TEX36: variants seen among roughly 807,000 people sequenced by gnomAD.
TEX36 encodes the protein testis-expressed protein 36.
A neutral mutation model predicts 13.6 loss-of-function variants in TEX36; 12 were observed. The ratio of observed to expected loss-of-function variants is 0.88; its 90% CI spans 0.56 to 1.43. TEX36 has a LOEUF of 1.43. TEX36 is among the 40% of genes most tolerant of loss of function. TEX36 has a pLI of 0.00. For synonymous variants in TEX36, 93 were observed against 83.0 expected (o/e 1.12, Z -0.65); for missense variants, 224 against 228.3 (o/e 0.98, Z 0.12).
rs1009002407 is a variant in TEX36 at position 125,650,295 on chromosome 10, G to T, written c.264+10726C>A. ...AAAAGAATAGAAATTATAACAAACTGTCTCTCAGACCACAGTGCAATCAAA... is the reference window on the plus strand; with the variant it reads ...AAAAGAATAGAAATTATAACAAACTTTCTCTCAGACCACAGTGCAATCAAA... On this transcript the variant is annotated intron_variant, in intron 3 of 3. Coordinates refer to the TEX36 transcript ENST00000526819. Among the ~76,000 whole-genome samples the T allele has an allele frequency of 2.0e-5, 3 of 152,128 alleles. No individual in the cohort carries two copies. In the South Asian group the frequency reaches 6.2e-4, roughly 32 times the overall value.
intron 3 of TEX36, among the ~76,000 whole-genome samples, chr10:125,658,129 C>T (rs138601990): frequency 5.9e-5 from 9 of 151,910 alleles, no homozygotes; most frequent in East Asian, 3.9e-4. Context: ...ATAGATTCTT[C>T]GATTTTTTTT....
chr10:125,583,279 A>G (rs967985676), intron 3 of TEX36, among the ~76,000 whole-genome samples: 2 of 152,006 alleles, frequency 1.3e-5, no homozygotes, highest in Non-Finnish European at 2.9e-5. Context: ...TGGGTAACTT[A>G]AAAGCAACAG....
intron 1 of TEX36, among the ~76,000 whole-genome samples, chr10:125,665,010 G>A (rs1222112526): frequency 6.6e-6 from 1 of 152,154 alleles, no homozygotes; most frequent in Non-Finnish European, 1.5e-5. Flanking sequence ...CCGTTTGCAT[G>A]TCTTCTTTTG....
intron 3 of TEX36, among the ~76,000 whole-genome samples, chr10:125,634,051 G>A (rs1448909771): frequency 6.6e-6 from 1 of 152,062 alleles, no homozygotes; most frequent in Middle Eastern, 3.2e-3. Flanking sequence ...GGAGCAGGGA[G>A]GTTGTTTCTG....
chr10:125,682,115 T>C (rs1847405372), intron 1 of TEX36, among the ~76,000 whole-genome samples: 2 of 152,236 alleles, frequency 1.3e-5, no homozygotes, highest in African/African-American at 4.8e-5. Flanking sequence ...CCCCTTAACA[T>C]TCTTTTTGTG....
chr10:125,630,279 G>A (rs1372068839), intron 3 of TEX36, among the ~76,000 whole-genome samples: 2 of 152,200 alleles, frequency 1.3e-5, no homozygotes, highest in Non-Finnish European at 2.9e-5. Flanking sequence ...CAGGAATTCA[G>A]ACAGGGGATG....
exon 4 of TEX36, chr10:125,576,559 G>T: frequency 2.7e-6 from 2 of 740,906 alleles, no homozygotes; most frequent in Non-Finnish European, 4.2e-6. Context: ...TAATACCTGC[G>T]CCCACACAGG....
rs1184162010 is a variant in TEX36, at chr10:125,672,754, G to T, written c.51+10185C>A. On this transcript the variant is annotated intron_variant, in intron 1 of 3. Coordinates refer to ENST00000368821, the MANE Select transcript of TEX36 (RefSeq NM_001128202.3). ...AAAAGTCTCCCACTATTATTGTGGG[G>T]AGTCTAAGTCTCTTTGTAGTTCTCT... Among the ~76,000 whole-genome samples the T allele has an allele frequency of 2.6e-5, 4 of 152,306 alleles. No homozygotes were observed. The Middle Eastern group carries it at 0.01, about 389-fold the overall frequency.
chr10:125,674,454 G>C (rs915817522), intron 1 of TEX36, among the ~76,000 whole-genome samples: 4 of 152,122 alleles, frequency 2.6e-5, no homozygotes, highest in South Asian at 2.1e-4. Flanking sequence ...GCCCAGTTCT[G>C]TGCCCTTGCT....
intron 3 of TEX36, among the ~76,000 whole-genome samples, chr10:125,638,032 C>T (rs1846640997): frequency 6.6e-6 from 1 of 151,968 alleles, no homozygotes; most frequent in African/African-American, 2.4e-5. Context: ...ATCTCAGGTG[C>T]CTCATTCTCA....
At chr10:125,666,954 C>T in intron 1 of TEX36, 2 of 868,322 alleles carry the variant, frequency 2.3e-6, no homozygotes, top group Non-Finnish European at 1.7e-6. Context: ...CTTTCCTTGA[C>T]AGGCCAGGCT....
intron 1 of TEX36, chr10:125,667,128 G>A (rs1589784067): frequency 5.2e-6 from 4 of 764,660 alleles, no homozygotes; most frequent in African/African-American, 3.5e-5. Context: ...CCTCATTCTG[G>A]CCTCCAGACA....
At chr10:125,675,224 G>T (rs1847293206) in intron 1 of TEX36, among the ~76,000 whole-genome samples, 2 of 152,220 alleles carry the variant, frequency 1.3e-5, no homozygotes, top group African/African-American at 4.8e-5. Flanking sequence ...ATGCTGTGCT[G>T]TGGGAAATTC....
chr10:125,590,143 C>G (rs891156213), intron 3 of TEX36, among the ~76,000 whole-genome samples: 1 of 152,076 alleles, frequency 6.6e-6, no homozygotes, highest in Non-Finnish European at 1.5e-5. Context: ...GAGACAGGCT[C>G]TTGCTCTGTC....
rs1847416481 is a variant in TEX36, at chr10:125,682,760, C to G, written c.51+179G>C. On this transcript the variant is annotated intron_variant, in intron 1 of 3. Coordinates refer to ENST00000368821, the MANE Select transcript of TEX36 (RefSeq NM_001128202.3). ...TTTTACATGCATTATTTCATTCAATCTTTGCAAGAGTGTTAGAGGATTCCC... is the reference window on the plus strand; with the variant it reads ...TTTTACATGCATTATTTCATTCAATGTTTGCAAGAGTGTTAGAGGATTCCC... Among the ~76,000 whole-genome samples, 4 of 152,204 alleles carry G rather than the reference C, an allele frequency of 2.6e-5. No individual in the cohort carries two copies. The South Asian group carries it at 8.3e-4, about 32-fold the overall frequency.
chr10:125,615,294 C>T (rs1218207338), intron 3 of TEX36, among the ~76,000 whole-genome samples: 2 of 151,952 alleles, frequency 1.3e-5, no homozygotes, highest in African/African-American at 2.4e-5. Context: ...TGCCTAATTG[C>T]CCTGGCCAGA....
Position 125,605,523 on chromosome 10 carries a change from C to A in TEX36, c.265-28649G>T, listed in dbSNP as rs370714922. ...GCAATGTGGTAAGTGCTTTAGAATT[C>A]TTTTGTTAGTGAAAACAAAAAAGAG... On this transcript the variant is annotated intron_variant, in intron 3 of 3. Transcript: ENST00000532135. Among the ~76,000 whole-genome samples the A allele has an allele frequency of 3.9e-5, 6 of 152,318 alleles. No homozygotes were observed. In the East Asian group the frequency reaches 9.6e-4, roughly 24 times the overall value.
intron 3 of TEX36, among the ~76,000 whole-genome samples, chr10:125,594,330 C>A (rs751173859): frequency 6.6e-6 from 1 of 152,054 alleles, no homozygotes; most frequent in Non-Finnish European, 1.5e-5. Flanking sequence ...AAAAAGAGAG[C>A]AGATGTAGTA....
downstream of TEX36, among the ~76,000 whole-genome samples, chr10:125,621,461 A>G (rs1040910353): frequency 1.3e-5 from 2 of 152,028 alleles, no homozygotes; most frequent in African/African-American, 4.8e-5. Context: ...ACATGTTTTC[A>G]TGTGCTGGTG....
Sources: allele counts gnomAD v4.1 joint callset (sites outside exome capture counted in the v4.1 genomes callset), GRCh38; gene constraint gnomAD v4.1.1; transcripts MANE v1.5; gene names NCBI Gene and HGNC (gene_info 2026-07-23, HGNC 2026-07-21).